Variants in SOS1 observed in about 807,000 individuals in gnomAD.
SOS1 encodes the protein son of sevenless homolog 1.
SOS1 carries 25 observed loss-of-function variants against 157.6 expected under a neutral mutation model. That is an observed-to-expected ratio of 0.16 (90% confidence interval 0.12 to 0.22). SOS1 has a LOEUF of 0.22. Among genes scored for constraint, SOS1 ranks in the 10% least tolerant of loss-of-function variants. The probability of loss-of-function intolerance (pLI) is 1.00; values close to 1 mark genes in which losing one functional copy is unlikely to be tolerated. For synonymous variants in SOS1, 528 were observed against 534.0 expected (o/e 0.99, Z 0.16); for missense variants, 1,237 against 1,599.1 (o/e 0.77, Z 3.86).
chr2:39,108,993 G>C (rs538896033), intron 1 of SOS1, among the ~76,000 whole-genome samples: 1 of 151,962 alleles, frequency 6.6e-6, no homozygotes, highest in African/African-American at 2.4e-5. Flanking sequence ...GAGCTCAGGA[G>C]TTCAAGACCA....
intron 6 of SOS1, among the ~76,000 whole-genome samples, chr2:39,048,292 T>C (rs1002209304): frequency 5.3e-5 from 8 of 152,248 alleles, no homozygotes; most frequent in African/African-American, 1.9e-4. Context: ...CTTAGTACTT[T>C]AAATATATTA....
At chr2:39,019,759 CCAGTATCTATA>C (rs1345918757) in intron 10 of SOS1, among the ~76,000 whole-genome samples, 3 of 151,396 alleles carry the variant, frequency 2.0e-5, no homozygotes, top group Non-Finnish European at 4.4e-5. Context: ...ATAATAATGA[CCAGTATCTATA>C]CATAAAAAAT....
chr2:39,124,499 G>C (rs183029218), upstream of SOS1, among the ~76,000 whole-genome samples: 1 of 152,364 alleles, frequency 6.6e-6, no homozygotes, highest in African/African-American at 2.4e-5. Context: ...CGGCGAGGAC[G>C]GGGGCGGGGG....
upstream of SOS1, chr2:39,124,389 A>T (rs1055243432): frequency 1.3e-5 from 2 of 152,230 alleles, no homozygotes; most frequent in Non-Finnish European, 2.9e-5. Context: ...GCCACGGCGG[A>T]CGTGACGCAC....
chr2:39,094,676 T>TAAAC (rs1487898893), intron 1 of SOS1, among the ~76,000 whole-genome samples: 1 of 151,160 alleles, frequency 6.6e-6, no homozygotes, highest in African/African-American at 2.4e-5. Flanking sequence ...AATAAATAAA[T>TAAAC]AAATAAAGAC....
intron 1 of SOS1, among the ~76,000 whole-genome samples, chr2:39,069,371 C>T (rs148926518): frequency 0.025 from 3,851 of 151,858 alleles, 67 homozygotes; most frequent in Middle Eastern, 0.048. Flanking sequence ...CAGAGGGAGA[C>T]CCTGTCTCAA....
At chr2:39,008,141 A>G (rs1422703320) in intron 15 of SOS1, among the ~76,000 whole-genome samples, 1 of 152,140 alleles carries the variant, frequency 6.6e-6, no homozygotes, top group Non-Finnish European at 1.5e-5. Flanking sequence ...TGCAGCTGAG[A>G]AGTAGGAATA....
At position 39,069,267 on chromosome 2, in the gene SOS1, C is replaced by A. The variant is rs577901738; in HGVS notation, c.88-1514G>T. 7.6e-5 allele frequency among the ~76,000 whole-genome samples: 11 copies of A among 145,190 alleles called. No individual in the cohort carries two copies. In the South Asian group the frequency reaches 1.5e-3, roughly 20 times the overall value. On this transcript the variant is annotated intron_variant, in intron 1 of 22. Coordinates refer to ENST00000402219, the MANE Select transcript of SOS1 (RefSeq NM_005633.4). ...ATGCCTGTAGTAGTCCCCACCTACT[C>A]CAGAGGCTGAGGTGACGTGGAAGGA...
At chr2:39,102,346 G>C (rs1031203713) in intron 1 of SOS1, among the ~76,000 whole-genome samples, 1 of 149,804 alleles carries the variant, frequency 6.7e-6, no homozygotes, top group Non-Finnish European at 1.5e-5. Context: ...AACATAATGA[G>C]AGTTCATCTT....
At chr2:39,071,818 G>A (rs911175455) in intron 1 of SOS1, among the ~76,000 whole-genome samples, 2 of 151,426 alleles carry the variant, frequency 1.3e-5, no homozygotes, top group African/African-American at 2.4e-5. Flanking sequence ...TGAACTATTC[G>A]CAGTTTGCTA....
chr2:39,043,291 CATA>C (rs1217800615), intron 6 of SOS1, among the ~76,000 whole-genome samples: 1 of 152,208 alleles, frequency 6.6e-6, no homozygotes, highest in African/African-American at 2.4e-5. Flanking sequence ...TGTCAAACCA[CATA>C]AGAGTAAACA....
At position 38,997,371 on chromosome 2, in the gene SOS1, T is replaced by C; in HGVS notation, c.2846A>G (p.Lys949Arg). The C allele has an allele frequency of 6.2e-7, 1 of 1,612,544 alleles. No individual in the cohort carries two copies. The highest frequency in any genetic ancestry group is 8.5e-7 in the Non-Finnish European group (1 of 1,178,808). Reference protein sequence around the residue: ...KTEEGNPEVLKRHGKELINFS... With the variant: ...KTEEGNPEVLRRHGKELINFS... ...GTTTATAAGCTCTTTTCCATGTCTT[T>C]TTAGGACCTCAGGGTTGCCTTCTTC... Residue 949 changes from lysine to arginine, a missense_variant, in exon 18 of 23, where the codon AAA (lysine) becomes AGA (arginine). Transcript: ENST00000402219.
intron 8 of SOS1, among the ~76,000 whole-genome samples, chr2:39,024,831 A>G (rs934886124): frequency 1.3e-5 from 2 of 152,240 alleles, no homozygotes; most frequent in African/African-American, 2.4e-5. Context: ...CAGAATTAAC[A>G]TTAGTATAAT....
chr2:39,013,355 A>G, intron 13 of SOS1, 105 bp downstream of exon 13: 1 of 783,452 alleles, frequency 1.3e-6, no homozygotes. Context: ...TGCTGGTACT[A>G]TTATAAACAT....
At chr2:39,030,323 G>A (rs570984585) in intron 8 of SOS1, among the ~76,000 whole-genome samples, 3 of 151,054 alleles carry the variant, frequency 2.0e-5, no homozygotes, top group Non-Finnish European at 2.9e-5. Context: ...CAGCACTTTC[G>A]GAGGCCAATG....
intron 6 of SOS1, among the ~76,000 whole-genome samples, chr2:39,045,463 A>T (rs1189973109): frequency 6.6e-6 from 1 of 152,144 alleles, no homozygotes; most frequent in Admixed American, 6.5e-5. Context: ...CTTTATAATC[A>T]GGTGCATACA....
chr2:39,096,623 C>T (rs1424515481), intron 1 of SOS1, among the ~76,000 whole-genome samples: 4 of 152,140 alleles, frequency 2.6e-5, no homozygotes, highest in Non-Finnish European at 5.9e-5. Context: ...CGGTGGTCCA[C>T]GCCTGTAATC....
chr2:39,027,147 T>A (rs1479398070), intron 8 of SOS1, among the ~76,000 whole-genome samples: 8 of 152,228 alleles, frequency 5.3e-5, no homozygotes, highest in Non-Finnish European at 1.0e-4. Flanking sequence ...TTTTTTATAT[T>A]TTTAATTCAG....
chr2:39,030,267 G>T (rs1670112812), intron 8 of SOS1, among the ~76,000 whole-genome samples: 1 of 133,282 alleles, frequency 7.5e-6, no homozygotes, highest in African/African-American at 2.8e-5. Context: ...AAAAGCGAAA[G>T]AGGGGGAAAG....
Sources: gnomAD v4.1 joint callset for allele counts (sites outside exome capture counted in the v4.1 genomes callset) on GRCh38, gnomAD v4.1.1 for gene constraint, MANE v1.5 for transcripts, NCBI Gene and HGNC (gene_info 2026-07-23, HGNC 2026-07-21) for gene names.